Variants in CLEC16A observed in about 807,000 individuals in gnomAD.
CLEC16A encodes C-type lectin domain containing 16A.
In CLEC16A, 51 loss-of-function variants were observed where a neutral mutation model predicts 109.5. The observed-to-expected ratio is 0.47, with a 90% CI of 0.37 to 0.59. CLEC16A has a LOEUF of 0.59. Among genes scored for constraint, CLEC16A ranks in the 20% least tolerant of loss-of-function variants. CLEC16A has a pLI of 0.00. For synonymous variants in CLEC16A, 673 were observed against 564.2 expected (o/e 1.19, Z -2.73); for missense variants, 1,339 against 1,394.0 (o/e 0.96, Z 0.63).
At chr16:11,005,854 A>G (rs1036403523) in intron 11 of CLEC16A, among the ~76,000 whole-genome samples, 7 of 152,178 alleles carry the variant, frequency 4.6e-5, no homozygotes, top group Non-Finnish European at 1.0e-4. Context: ...ACTCGCAGTC[A>G]TGTCTCAGCA....
chr16:11,082,685 C>T (rs564781863), intron 19 of CLEC16A, among the ~76,000 whole-genome samples: 1 of 152,340 alleles, frequency 6.6e-6, no homozygotes, highest in Admixed American at 6.5e-5. Context: ...TCTCCTCCAC[C>T]TCTCTCTTCT....
chr16:11,152,815 T>C (rs544648938), intron 22 of CLEC16A, among the ~76,000 whole-genome samples: 1 of 152,270 alleles, frequency 6.6e-6, no homozygotes, highest in African/African-American at 2.4e-5. Context: ...ACTGCTCCCC[T>C]GTGTCAAAGG....
At chr16:11,108,014 G>A (rs2051329256) in intron 19 of CLEC16A, among the ~76,000 whole-genome samples, 1 of 152,238 alleles carries the variant, frequency 6.6e-6, no homozygotes, top group Non-Finnish European at 1.5e-5. Flanking sequence ...TCTGTCATCA[G>A]GGAGGCATGC....
At chr16:11,112,674 C>A (rs1006349581) in intron 19 of CLEC16A, among the ~76,000 whole-genome samples, 1 of 152,024 alleles carries the variant, frequency 6.6e-6, no homozygotes, top group East Asian at 1.9e-4. Context: ...TACATACATA[C>A]ATACATACAC....
chr16:11,161,163 G>A (rs1018962012), intron 22 of CLEC16A, among the ~76,000 whole-genome samples: 9 of 152,214 alleles, frequency 5.9e-5, no homozygotes, highest in South Asian at 2.1e-4. Context: ...CCAGGTGCTA[G>A]CTATTAATGT....
At chr16:11,100,369 C>T (rs952622027) in intron 19 of CLEC16A, among the ~76,000 whole-genome samples, 2 of 152,202 alleles carry the variant, frequency 1.3e-5, no homozygotes, top group African/African-American at 2.4e-5. Context: ...CAGCTGAAGG[C>T]GGTGATGCAC....
At chr16:11,125,392 C>T (rs1020061154) in intron 21 of CLEC16A, among the ~76,000 whole-genome samples, 14 of 151,972 alleles carry the variant, frequency 9.2e-5, no homozygotes, top group African/African-American at 3.4e-4. Context: ...TGTAAAGTGG[C>T]TGTTAGAACT....
intron 22 of CLEC16A, among the ~76,000 whole-genome samples, chr16:11,133,569 A>T (rs1312266492): frequency 1.3e-5 from 2 of 152,162 alleles, no homozygotes; most frequent in Non-Finnish European, 2.9e-5. Flanking sequence ...AGCTGAGCTG[A>T]CCGCAAAGCC....
chr16:10,960,133 C>T (rs540613627), intron 2 of CLEC16A, among the ~76,000 whole-genome samples: 1 of 152,328 alleles, frequency 6.6e-6, no homozygotes, highest in South Asian at 2.1e-4. Flanking sequence ...AAGTGTCTTA[C>T]ATTACTGGGG....
At chr16:10,981,475 T>C (rs2146683175) in intron 9 of CLEC16A, among the ~76,000 whole-genome samples, 1 of 152,368 alleles carries the variant, frequency 6.6e-6, no homozygotes, top group South Asian at 2.1e-4. Context: ...AGGTGCCACA[T>C]GGCCATTCTG....
intron 19 of CLEC16A, among the ~76,000 whole-genome samples, chr16:11,097,038 A>G (rs1036738922): frequency 1.3e-5 from 2 of 152,212 alleles, no homozygotes; most frequent in African/African-American, 4.8e-5. Flanking sequence ...GGGCCTGCCA[A>G]GATTTAGTTT....
chr16:10,991,179 T>C (rs539822042), intron 10 of CLEC16A, among the ~76,000 whole-genome samples: 5 of 151,960 alleles, frequency 3.3e-5, no homozygotes, highest in African/African-American at 4.8e-5. Context: ...AAGCAGAGGA[T>C]GGACATGGGC....
At chr16:11,166,949 T>C (rs1198966385) in intron 23 of CLEC16A, among the ~76,000 whole-genome samples, 12 of 152,194 alleles carry the variant, frequency 7.9e-5, no homozygotes, top group Non-Finnish European at 8.8e-5. Context: ...TTTTTTCCTC[T>C]GTAACATACC....
At chr16:10,996,165 C>G (rs937128562) in intron 10 of CLEC16A, among the ~76,000 whole-genome samples, 1 of 152,240 alleles carries the variant, frequency 6.6e-6, no homozygotes, top group South Asian at 2.1e-4. Flanking sequence ...GAGAAACCCA[C>G]TCAACACGTT....
intron 19 of CLEC16A, among the ~76,000 whole-genome samples, chr16:11,072,101 A>G (rs1392927178): frequency 6.6e-6 from 1 of 152,120 alleles, no homozygotes; most frequent in African/African-American, 2.4e-5. Flanking sequence ...AATCAAGGTG[A>G]AGGGTACATG....
rs1239707469 is a variant in CLEC16A at position 11,024,848 on chromosome 16, G to A, written c.1464G>A (p.Ala488=). Residue 488 remains alanine (A), a synonymous_variant, in exon 13 of 24, where the codon GCG becomes GCA. Transcript: ENST00000409790. ...CCTTCCTGGATATGGTGTACCACGC[G>A]CTGGACAGCCCGGATGATGATTACC... ...SRPFLDMVYH[A]LDSPDDDYHA... is the part of the protein sequence containing the mutation. 8.7e-6 allele frequency: 14 copies of A among 1,607,016 alleles called. No homozygotes were observed. The highest frequency in any genetic ancestry group is 3.4e-5 in the Admixed American group (2 of 59,188).
At chr16:10,998,293 C>T (rs557983104) in intron 10 of CLEC16A, among the ~76,000 whole-genome samples, 3 of 152,280 alleles carry the variant, frequency 2.0e-5, no homozygotes, top group African/African-American at 7.2e-5. Context: ...TGGCCCTCAC[C>T]CCAGAAGCCA....
chr16:11,156,191 T>A (rs547162444), intron 22 of CLEC16A, among the ~76,000 whole-genome samples: 1 of 152,032 alleles, frequency 6.6e-6, no homozygotes, highest in African/African-American at 2.4e-5. Context: ...GTGAAACCCA[T>A]CTCTACTAAA....
chr16:11,164,973 G>C (rs75445040), intron 22 of CLEC16A, among the ~76,000 whole-genome samples: 1,555 of 152,286 alleles, frequency 0.01, 16 homozygotes, highest in Non-Finnish European at 0.014. Flanking sequence ...GAGTGGGAAG[G>C]CTGCAGGAGT....
Sources: allele counts gnomAD v4.1 joint callset (sites outside exome capture counted in the v4.1 genomes callset), GRCh38; gene constraint gnomAD v4.1.1; transcripts MANE v1.5; gene names NCBI Gene and HGNC (gene_info 2026-07-23, HGNC 2026-07-21).